Variants in ZNF423 observed in about 807,000 individuals in gnomAD.
ZNF423 encodes the protein Ebf-associated zinc finger protein.
ZNF423 carries 12 observed loss-of-function variants against 95.8 expected under a neutral mutation model. The observed-to-expected ratio is 0.13, with a 90% CI of 0.08 to 0.20. The LOEUF (loss-of-function observed/expected upper bound fraction) is 0.20. ZNF423 is among the 10% of genes least tolerant of loss of function. The pLI is 1.00. For missense variants in ZNF423, 1,316 were observed against 1,737.1 expected (o/e 0.76, Z 4.31); for synonymous variants, 749 against 711.9 (o/e 1.05, Z -0.83).
Position 49,730,941 on chromosome 16 carries a change from T to A in ZNF423, c.131A>T (p.Gln44Leu). 6.2e-7 allele frequency: 1 copy of A among 1,614,250 alleles called. No homozygotes were observed. Among genetic ancestry groups the A allele is most frequent in the Non-Finnish European group, 8.5e-7 (1 of 1,180,042 alleles). The stretch of plus-strand genomic sequence containing the variant: ...GTCTTCCAGCGCACGGCTGGTTTTC[T>A]GATCGCACTCTGGCTCTCCTTCTAG... ...GGLEGEPECD[Q>L]KTSRALEDRN... Residue 44 changes from glutamine to leucine, a missense_variant, in exon 3 of 8, where the codon CAG becomes CTG. Physicochemically the swap from Gln to Leu is moderately radical, Grantham distance 113 (BLOSUM62 -2). This residue lies in a region of ZNF423 where 155 missense variants were observed against 170.8 expected (regional missense o/e 0.91). Coordinates refer to ENST00000563137, the MANE Select transcript of ZNF423 (RefSeq NM_001379286.1).
Position 49,844,750 on chromosome 16 carries a change from A to C in ZNF423, c.40+10985T>G, listed in dbSNP as rs191878918. On this transcript the variant is annotated intron_variant, in intron 1 of 7. Coordinates refer to ENST00000563137, the MANE Select transcript of ZNF423 (RefSeq NM_001379286.1). The stretch of plus-strand genomic sequence containing the variant: ...CACACATTCACTCATTCATTTAATA[A>C]ATATTGGCGAGGCCCTGTGGCTCAC... Among the ~76,000 whole-genome samples the C allele has an allele frequency of 1.3e-3, 202 of 152,294 alleles. 3 individuals carry two copies. The highest frequency in any genetic ancestry group is 1.9e-3 in the South Asian group (9 of 4,818).
intron 1 of ZNF423, among the ~76,000 whole-genome samples, chr16:49,841,202 C>T (rs570871135): frequency 6.6e-6 from 1 of 152,108 alleles, no homozygotes; most frequent in Non-Finnish European, 1.5e-5. Flanking sequence ...ATCCTCCCCC[C>T]ACTCCAGAAG....
intron 5 of ZNF423, among the ~76,000 whole-genome samples, chr16:49,531,967 G>A (rs904398078): frequency 1.3e-5 from 2 of 152,202 alleles, no homozygotes; most frequent in Non-Finnish European, 2.9e-5. Context: ...ATTAACGCTT[G>A]AGAACCACTG....
At chr16:49,728,654 C>G (rs1245640542) in intron 3 of ZNF423, among the ~76,000 whole-genome samples, 1 of 152,236 alleles carries the variant, frequency 6.6e-6, no homozygotes, top group Admixed American at 6.5e-5. Context: ...GTTCTTATTT[C>G]TGGCTCAGAC....
At chr16:49,601,099 C>A (rs1171695110) in intron 5 of ZNF423, among the ~76,000 whole-genome samples, 1 of 152,196 alleles carries the variant, frequency 6.6e-6, no homozygotes, top group Non-Finnish European at 1.5e-5. Context: ...CTGGACAAGG[C>A]ATTCAAGGAT....
intron 5 of ZNF423, among the ~76,000 whole-genome samples, chr16:49,541,544 G>C (rs1969247491): frequency 6.6e-6 from 1 of 152,192 alleles, no homozygotes; most frequent in South Asian, 2.1e-4. Flanking sequence ...TGGAAGGCAG[G>C]ATATGTTTTT....
At chr16:49,757,680 C>A (rs2033752503) in intron 2 of ZNF423, among the ~76,000 whole-genome samples, 1 of 152,202 alleles carries the variant, frequency 6.6e-6, no homozygotes, top group African/African-American at 2.4e-5. Context: ...AGGAGCCCGG[C>A]TCAGCAGGAA....
At chr16:49,803,832 G>A (rs1026079491) in intron 1 of ZNF423, among the ~76,000 whole-genome samples, 7 of 151,988 alleles carry the variant, frequency 4.6e-5, no homozygotes, top group East Asian at 1.9e-4. Flanking sequence ...GGGAGCTAGG[G>A]AAGGGGAAAG....
At chr16:49,851,350 C>T (rs563604065) in intron 1 of ZNF423, among the ~76,000 whole-genome samples, 4 of 152,186 alleles carry the variant, frequency 2.6e-5, no homozygotes, top group Non-Finnish European at 5.9e-5. Context: ...AGGTTCCTTT[C>T]GTTTACACAT....
At chr16:49,548,717 C>A (rs1162347776) in intron 5 of ZNF423, among the ~76,000 whole-genome samples, 1 of 152,184 alleles carries the variant, frequency 6.6e-6, no homozygotes, top group Non-Finnish European at 1.5e-5. Flanking sequence ...GACATCGAAC[C>A]AATGACCTTG....
intron 5 of ZNF423, among the ~76,000 whole-genome samples, chr16:49,530,906 C>G: frequency 6.6e-6 from 1 of 152,220 alleles, no homozygotes; most frequent in Middle Eastern, 3.2e-3. Context: ...ATTCAAGAAA[C>G]AGCCACAAGA....
intron 5 of ZNF423, among the ~76,000 whole-genome samples, chr16:49,547,817 T>A (rs1311875965): frequency 6.6e-6 from 1 of 152,192 alleles, no homozygotes; most frequent in Non-Finnish European, 1.5e-5. Context: ...TGAAACATCA[T>A]CTGAGGCCAG....
intron 7 of ZNF423, among the ~76,000 whole-genome samples, chr16:49,500,900 TAA>T (rs796553124): frequency 2.8e-5 from 4 of 143,566 alleles, no homozygotes; most frequent in African/African-American, 5.1e-5. Context: ...AGACCTCATT[TAA>T]AAAAAAAAAA....
chr16:49,560,146 G>A (rs1023639474), intron 5 of ZNF423, among the ~76,000 whole-genome samples: 1 of 152,060 alleles, frequency 6.6e-6, no homozygotes, highest in Non-Finnish European at 1.5e-5. Flanking sequence ...CATCGAAGCC[G>A]GTGACAACTG....
At chr16:49,806,627 C>CGT (rs375062013) in intron 1 of ZNF423, among the ~76,000 whole-genome samples, 3 of 151,918 alleles carry the variant, frequency 2.0e-5, no homozygotes, top group East Asian at 1.9e-4. Context: ...GTATGTATGA[C>CGT]GTGTGTGTGT....
At chr16:49,748,709 C>T (rs945226251) in intron 2 of ZNF423, among the ~76,000 whole-genome samples, 1 of 152,286 alleles carries the variant, frequency 6.6e-6, no homozygotes, top group African/African-American at 2.4e-5. Context: ...GCCCCTTTTC[C>T]GTGCAGGGAT....
intron 2 of ZNF423, among the ~76,000 whole-genome samples, chr16:49,746,023 G>T (rs2033516137): frequency 6.6e-6 from 1 of 152,108 alleles, no homozygotes; most frequent in African/African-American, 2.4e-5. Context: ...ATCTGAGGAA[G>T]TACGTAATTT....
intron 5 of ZNF423, among the ~76,000 whole-genome samples, chr16:49,573,936 G>A (rs1263225173): frequency 6.6e-6 from 1 of 152,200 alleles, no homozygotes; most frequent in African/African-American, 2.4e-5. Flanking sequence ...TGGTGAGCCT[G>A]CTGATCATCC....
chr16:49,608,559 G>A (rs540911729), intron 5 of ZNF423, among the ~76,000 whole-genome samples: 3 of 152,280 alleles, frequency 2.0e-5, no homozygotes, highest in African/African-American at 7.2e-5. Context: ...GAAAGGCAGA[G>A]AGAAGAAGCC....
Sources: gnomAD v4.1 joint callset for allele counts (sites outside exome capture counted in the v4.1 genomes callset) on GRCh38, gnomAD v4.1.1 for gene constraint, gnomAD v4.1.1 regional missense constraint, MANE v1.5 for transcripts, NCBI Gene and HGNC (gene_info 2026-07-23, HGNC 2026-07-21) for gene names.